Variants in PIEZO2 observed in about 807,000 individuals in gnomAD.
PIEZO2 encodes the protein piezo-type mechanosensitive ion channel component 2.
A neutral mutation model predicts 337.3 loss-of-function variants in PIEZO2; 172 were observed. That is an observed-to-expected ratio of 0.51 (90% CI 0.45 to 0.58). The LOEUF is 0.58. Ranked by LOEUF, PIEZO2 falls within the 20% of genes least tolerant of loss-of-function variation. The pLI, the probability that PIEZO2 is intolerant of heterozygous loss-of-function variation, is 0.00. For synonymous variants in PIEZO2, 1,251 were observed against 1,228.5 expected (o/e 1.02, Z -0.38); for missense variants, 3,028 against 3,391.3 (o/e 0.89, Z 2.66).
At chr18:10,761,218 C>T in intron 23 of PIEZO2, 107 bp from the exon 24 acceptor site, 1 of 999,256 alleles carries the variant, frequency 1.0e-6, no homozygotes, top group Non-Finnish European at 1.5e-6. Flanking sequence ...TTTATAAAAG[C>T]TCACCTCTCT....
In PIEZO2 at chr18:10,807,112, A is replaced by G. The variant is rs1322244407; in HGVS notation, c.1080T>C (p.Leu360=). 8 of 1,533,802 alleles carry G rather than the reference A, an allele frequency of 5.2e-6. No individual in the cohort carries two copies. The highest frequency in any genetic ancestry group is 5.2e-6 in the Non-Finnish European group (6 of 1,145,184). The change falls in exon 8 of 56, where the codon CTT becomes CTC. Residue 360 remains leucine (L), a splice_region_variant and synonymous_variant. Coordinates refer to ENST00000674853, the MANE Select transcript of PIEZO2 (RefSeq NM_001378183.1). ...ATCATGAAAATGTTTTTGTCCTTAC[A>G]AGGGGCTCTTGCAGCCAGATGCGGA... is the stretch of plus-strand genomic sequence containing the variant. ...TLIRIWLQEP[L]VQDEGTKEED...
Position 10,871,268 on chromosome 18 carries a change from A to T in PIEZO2, c.477T>A (p.Phe159Leu). The T allele has an allele frequency of 6.5e-7, 1 of 1,535,966 alleles. No individual in the cohort carries two copies. The highest frequency in any genetic ancestry group is 1.2e-5 in the South Asian group (1 of 83,614). Reference sequence around the variant, plus strand: ...TTGGATTTACCAATTCTTCATTTTCAAACTCCGGGTTACTCTGTGCTGCTT... The same window carrying T: ...TTGGATTTACCAATTCTTCATTTTCTAACTCCGGGTTACTCTGTGCTGCTT... ...TDEAAQSNPEFENEELAEGEK... is the reference protein window; with the variant it reads ...TDEAAQSNPELENEELAEGEK... Residue 159 changes from phenylalanine to leucine, a missense_variant, in exon 5 of 56, where the codon TTT (phenylalanine) becomes TTA (leucine). Physicochemically the swap from Phe to Leu is conservative, Grantham distance 22. This residue lies in a region of PIEZO2 where 542 missense variants were observed against 605.6 expected (regional missense o/e 0.89). Transcript: ENST00000674853.
rs571703674 is a variant in PIEZO2, at chr18:10,718,061, A to C, written c.5089+139T>G. On this transcript the variant is annotated intron_variant, in intron 37 of 55. Coordinates refer to ENST00000674853, the MANE Select transcript of PIEZO2 (RefSeq NM_001378183.1). Reference sequence around the variant, plus strand: ...GCAATTTCAGTGGAGATGAGATTCCAAGGGATACTGATTATTTACTCATAG... The same window carrying C: ...GCAATTTCAGTGGAGATGAGATTCCCAGGGATACTGATTATTTACTCATAG... The C allele has an allele frequency of 1.6e-4, 120 of 748,486 alleles. No homozygotes were observed. In the African/African-American group the frequency reaches 1.9e-3, roughly 12 times the overall value. 46.4% of individuals were successfully genotyped at this position (748,486 alleles called of 1,614,324 possible).
intron 2 of PIEZO2, among the ~76,000 whole-genome samples, chr18:11,004,215 C>T (rs533739538): frequency 6.6e-6 from 1 of 152,250 alleles, no homozygotes; most frequent in South Asian, 2.1e-4. Flanking sequence ...GTGTACCATT[C>T]CTGAGTCCCC....
At chr18:11,089,467 T>C (rs1042790207) in intron 1 of PIEZO2, among the ~76,000 whole-genome samples, 2 of 152,148 alleles carry the variant, frequency 1.3e-5, no homozygotes, top group Non-Finnish European at 2.9e-5. Context: ...GTAATGTGCC[T>C]GCCCAAACTC....
chr18:10,725,158 G>A lies in PIEZO2; in HGVS notation c.5029+6249C>T, dbSNP rs565170202. ...GCCTATGGCTGTGCTGAAGTACTGC[G>A]AGGCCTCTGGACAGTTCATCCATCA... On this transcript the variant is annotated intron_variant, in intron 36 of 55. Transcript: ENST00000674853. The A allele has an allele frequency of 5.4e-6, 8 of 1,477,574 alleles. No homozygotes were observed. The African/African-American group carries it at 8.3e-5, about 15-fold the overall frequency. The allele number at this position is 1,477,574 out of a possible 1,614,324, so 91.5% of individuals were successfully genotyped here. A position where few individuals can be genotyped will look rare whatever the true frequency, so the allele number is the denominator to read the frequency against.
At chr18:10,793,560 G>T (rs9954410) in intron 13 of PIEZO2, among the ~76,000 whole-genome samples, 25,540 of 152,160 alleles carry the variant, frequency 0.17, 2,473 homozygotes, top group East Asian at 0.39. Flanking sequence ...AGACTGTGAT[G>T]AATTTACACA....
At chr18:10,989,196 C>T (rs895826333) in intron 2 of PIEZO2, among the ~76,000 whole-genome samples, 1 of 151,946 alleles carries the variant, frequency 6.6e-6, no homozygotes, top group Non-Finnish European at 1.5e-5. Context: ...GGGTGTCTAT[C>T]ATCAAAACTC....
chr18:11,023,588 C>G (rs1177601555), intron 2 of PIEZO2, among the ~76,000 whole-genome samples: 2 of 152,264 alleles, frequency 1.3e-5, no homozygotes, highest in Non-Finnish European at 2.9e-5. Flanking sequence ...CTGGCTTCAC[C>G]CAGTGGATCC....
chr18:10,772,980 A>G (rs2038655568), intron 20 of PIEZO2, among the ~76,000 whole-genome samples: 1 of 152,224 alleles, frequency 6.6e-6, no homozygotes, highest in Non-Finnish European at 1.5e-5. Flanking sequence ...GATCAGAGCT[A>G]GAAATATATT....
At chr18:10,875,953 T>A (rs1251401525) in intron 4 of PIEZO2, among the ~76,000 whole-genome samples, 1 of 152,246 alleles carries the variant, frequency 6.6e-6, no homozygotes, top group African/African-American at 2.4e-5. Context: ...TAGAATGGAA[T>A]CATTCAGCCA....
At chr18:10,868,358 C>T (rs2042057962) in intron 5 of PIEZO2, among the ~76,000 whole-genome samples, 1 of 152,162 alleles carries the variant, frequency 6.6e-6, no homozygotes. Flanking sequence ...AATAAATTCC[C>T]TGCTTATTTT....
intron 3 of PIEZO2, among the ~76,000 whole-genome samples, chr18:10,949,146 A>G (rs1396927958): frequency 6.6e-6 from 1 of 152,198 alleles, no homozygotes; most frequent in African/African-American, 2.4e-5. Flanking sequence ...ATTTCCGAGG[A>G]AGTAATTGTA....
Position 10,672,748 on chromosome 18 carries a change from G to C in PIEZO2, c.8287C>G (p.Leu2763Val). ...IYNPNSQALE[L>V]VVFNDKVSPP... ...CTGACTTTGTCATTGAAGACCACCA[G>C]TTCCAGGGCCTGAGAGTTCGGATTG... The change falls in exon 55 of 56, where the codon CTG becomes GTG. Residue 2763 changes from leucine (L) to valine (V), a missense_variant. Physicochemically the swap from Leu to Val is conservative, Grantham distance 32 (BLOSUM62 1). This residue lies in a region of PIEZO2 where 332 missense variants were observed against 363.8 expected (regional missense o/e 0.91). Coordinates refer to ENST00000674853, the MANE Select transcript of PIEZO2 (RefSeq NM_001378183.1). This position sits in a 1 kb window ranked among gnomAD's most constrained non-coding sequence, Gnocchi z 4.7. 1 of 1,614,098 alleles carries C rather than the reference G, an allele frequency of 6.2e-7. No homozygotes were observed. The highest frequency in any genetic ancestry group is 8.5e-7 in the Non-Finnish European group (1 of 1,180,000).
chr18:10,938,096 A>G (rs1426786670), intron 3 of PIEZO2, among the ~76,000 whole-genome samples: 1 of 152,182 alleles, frequency 6.6e-6, no homozygotes, highest in Non-Finnish European at 1.5e-5. Flanking sequence ...TTTTAGATTC[A>G]ATTCCACTCT....
chr18:10,789,161 A>G lies in PIEZO2; in HGVS notation c.2087T>C (p.Phe696Ser). ...GATTTTACCCTCGAAGCTGACGAAG[A>G]AGAACATGCCTCCGCAGACGTAGAT... Reference protein sequence around the residue: ...YWIYVCGGMFFFVSFEGKIVM... With the variant: ...YWIYVCGGMFSFVSFEGKIVM... Residue 696 changes from phenylalanine (F) to serine (S), a missense_variant, in exon 15 of 56, where the codon TTC becomes TCC. Transcript: ENST00000674853. 3.3e-6 allele frequency: 5 copies of G among 1,537,274 alleles called. No individual in the cohort carries two copies. The highest frequency in any genetic ancestry group is 3.5e-6 in the Non-Finnish European group (4 of 1,146,912).
intron 9 of PIEZO2, 30 bp downstream of exon 9, chr18:10,803,845 G>A: frequency 1.3e-6 from 2 of 1,534,792 alleles, no homozygotes; most frequent in Non-Finnish European, 1.7e-6. Context: ...GAAAAATTAG[G>A]GAACGGAAAT....
chr18:10,857,844 C>A (rs2144708533), intron 5 of PIEZO2, among the ~76,000 whole-genome samples: 1 of 152,232 alleles, frequency 6.6e-6, no homozygotes, highest in South Asian at 2.1e-4. Context: ...AACACATGTA[C>A]CAGAACATAT....
At chr18:10,916,311 G>A (rs966652428) in intron 3 of PIEZO2, among the ~76,000 whole-genome samples, 4 of 152,170 alleles carry the variant, frequency 2.6e-5, no homozygotes, top group Non-Finnish European at 4.4e-5. Flanking sequence ...TTGGGTGGCC[G>A]ATGGGACCAG....
Sources: gnomAD v4.1 joint callset for allele counts (sites outside exome capture counted in the v4.1 genomes callset) on GRCh38, gnomAD v4.1.1 for gene constraint, gnomAD v4.1.1 regional missense constraint, Gnocchi (gnomAD v3.1) non-coding constraint, MANE v1.5 for transcripts, NCBI Gene and HGNC (gene_info 2026-07-23, HGNC 2026-07-21) for gene names.